Variants in XKR9 observed in about 807,000 individuals in gnomAD.
XKR9 encodes XK-related protein 9.
A neutral mutation model predicts 32.0 loss-of-function variants in XKR9; 32 were observed. That is an observed-to-expected ratio of 1.00 (90% confidence interval 0.76 to 1.34). The LOEUF (loss-of-function observed/expected upper bound fraction) is 1.34, where lower values mean the gene tolerates loss of function less well. XKR9 is among the 40% of genes most tolerant of loss of function. The pLI is 0.00. For synonymous variants in XKR9, 168 were observed against 143.4 expected, an observed-to-expected ratio of 1.17 and a Z score of -1.22; for missense variants, 546 against 429.7, an observed-to-expected ratio of 1.27 and a Z score of -2.39.
chr8:71,021,452 A>AT, the XKR9 span, among the ~76,000 whole-genome samples: 359 of 120,872 alleles, frequency 3.0e-3, no homozygotes, highest in Non-Finnish European at 3.9e-3. Flanking sequence ...GTTTGCAAAT[A>AT]TTTTTTCCCA....
At chr8:70,743,702 C>T (rs887155849) in intron 2 of XKR9, among the ~76,000 whole-genome samples, 3 of 152,098 alleles carry the variant, frequency 2.0e-5, no homozygotes, top group Admixed American at 1.3e-4. Flanking sequence ...TCTGTTGGTT[C>T]TATTTTTCTC....
the XKR9 span, among the ~76,000 whole-genome samples, chr8:71,047,776 T>A: frequency 6.6e-6 from 1 of 152,226 alleles, no homozygotes; most frequent in Admixed American, 6.5e-5. Flanking sequence ...CAGTGCTCAA[T>A]AAATGTGTGC....
At chr8:70,810,982 T>TGTAC in the XKR9 span, among the ~76,000 whole-genome samples, 1 of 152,132 alleles carries the variant, frequency 6.6e-6, no homozygotes, top group African/African-American at 2.4e-5. Context: ...ATCAACAGAA[T>TGTAC]GTACATTCTT....
At chr8:70,749,118 C>A (rs1339801877) in intron 2 of XKR9, among the ~76,000 whole-genome samples, 1 of 152,208 alleles carries the variant, frequency 6.6e-6, no homozygotes, top group Non-Finnish European at 1.5e-5. Context: ...AGGAGTGACC[C>A]ACTTCAGGTC....
At chr8:70,850,484 AG>A in the XKR9 span, among the ~76,000 whole-genome samples, 1,830 of 130,790 alleles carry the variant, frequency 0.014, 47 homozygotes, top group Middle Eastern at 0.022. Flanking sequence ...AAAAAAAAAA[AG>A]AAAGAAAATT....
At chr8:70,978,222 T>C in the XKR9 span, among the ~76,000 whole-genome samples, 3 of 152,074 alleles carry the variant, frequency 2.0e-5, no homozygotes, top group African/African-American at 7.2e-5. Context: ...CTGGAGCATT[T>C]AGCCCATTTA....
the XKR9 span, among the ~76,000 whole-genome samples, chr8:71,027,488 A>G: frequency 4.0e-5 from 5 of 126,438 alleles, no homozygotes; most frequent in African/African-American, 8.2e-5. Flanking sequence ...ATAGAAATAT[A>G]TATGTGTGTG....
the XKR9 span, among the ~76,000 whole-genome samples, chr8:71,051,562 C>A: frequency 6.6e-6 from 1 of 151,036 alleles, no homozygotes; most frequent in Non-Finnish European, 1.5e-5. Context: ...TGTAAGTGAG[C>A]AAAAGTTGAG....
chr8:70,993,306 G>A, the XKR9 span, among the ~76,000 whole-genome samples: 48,480 of 152,026 alleles, frequency 0.32, 9,058 homozygotes, highest in Non-Finnish European at 0.43. Flanking sequence ...AATAGTAGGA[G>A]TTTGCTCATC....
the XKR9 span, among the ~76,000 whole-genome samples, chr8:71,053,084 TC>T: frequency 3.3e-5 from 5 of 152,242 alleles, no homozygotes; most frequent in Non-Finnish European, 7.3e-5. Context: ...TGCAAATGGA[TC>T]TATTATAAGG....
chr8:70,741,966 T>G (rs1252756743), intron 2 of XKR9, among the ~76,000 whole-genome samples: 1 of 43,100 alleles, frequency 2.3e-5, no homozygotes, highest in East Asian at 2.4e-4. Context: ...TTGTATTCTG[T>G]TTTTTTTTTT....
At chr8:70,751,613 G>A (rs1449156370) in intron 2 of XKR9, among the ~76,000 whole-genome samples, 1 of 152,108 alleles carries the variant, frequency 6.6e-6, no homozygotes, top group African/African-American at 2.4e-5. Flanking sequence ...TTGAGGGCCT[G>A]GATGGAACAA....
intron 3 of XKR9, among the ~76,000 whole-genome samples, chr8:70,705,313 GAAGGTAAAGATA>G (rs1477480336): frequency 4.6e-5 from 7 of 152,176 alleles, no homozygotes; most frequent in African/African-American, 1.7e-4. Flanking sequence ...ACTCTTGTGA[GAAGGTAAAGATA>G]ATAAACAAAA....
At chr8:70,988,333 T>TA in the XKR9 span, among the ~76,000 whole-genome samples, 74,378 of 139,338 alleles carry the variant, frequency 0.53, 20,335 homozygotes, top group Middle Eastern at 0.62. Context: ...CATGCGTGGT[T>TA]AAAAAAAAAA....
chr8:70,845,108 T>A, the XKR9 span, among the ~76,000 whole-genome samples: 2 of 152,140 alleles, frequency 1.3e-5, no homozygotes, highest in Non-Finnish European at 2.9e-5. Flanking sequence ...CCATTCCCAA[T>A]AAAACCTCAC....
chr8:70,670,290 C>T (rs961977333), intron 1 of XKR9, among the ~76,000 whole-genome samples: 1 of 152,122 alleles, frequency 6.6e-6, no homozygotes. Flanking sequence ...GTTTTGTGCC[C>T]AAGATGGAAG....
At chr8:70,746,360 T>C (rs1241380435) in intron 2 of XKR9, among the ~76,000 whole-genome samples, 1 of 147,458 alleles carries the variant, frequency 6.8e-6, no homozygotes, top group African/African-American at 2.5e-5. Context: ...ATATAAAGAA[T>C]ATAATTATAT....
the XKR9 span, among the ~76,000 whole-genome samples, chr8:70,994,663 A>G: frequency 5.3e-5 from 8 of 150,916 alleles, no homozygotes; most frequent in African/African-American, 1.7e-4. Flanking sequence ...TATTACTCCA[A>G]ATATTTTTTC....
At chr8:70,998,395 T>C in the XKR9 span, among the ~76,000 whole-genome samples, 2 of 152,170 alleles carry the variant, frequency 1.3e-5, no homozygotes, top group African/African-American at 2.4e-5. Flanking sequence ...CTCAAGAGCA[T>C]AGGGACTATC....
Sources: gnomAD v4.1 joint callset for allele counts (sites outside exome capture counted in the v4.1 genomes callset) on GRCh38, gnomAD v4.1.1 for gene constraint, MANE v1.5 for transcripts, NCBI Gene and HGNC (gene_info 2026-07-23, HGNC 2026-07-21) for gene names.